Variants in GALR1 observed in about 807,000 individuals in gnomAD.
GALR1 encodes the protein galanin receptor 1.
A neutral mutation model predicts 17.9 loss-of-function variants in GALR1; 11 were observed. The observed-to-expected ratio is 0.62, with a 90% CI of 0.39 to 1.02. The LOEUF is 1.02. Among genes scored for constraint, GALR1 ranks in the 50% least tolerant of loss-of-function variants. The pLI, the probability that GALR1 is intolerant of heterozygous loss-of-function variation, is 0.01. For missense variants in GALR1, 441 were observed against 456.9 expected (o/e 0.97, Z 0.32); for synonymous variants, 206 against 205.7 (o/e 1.00, Z -0.01).
At chr18:77,252,971 T>TCACCACCAC (rs1912492036) in intron 1 of GALR1, among the ~76,000 whole-genome samples, 14 of 23,178 alleles carry the variant, frequency 6.0e-4, no homozygotes, top group Non-Finnish European at 1.2e-3. Flanking sequence ...ACCACCACCA[T>TCACCACCAC]CACCACCATC....
At chr18:77,265,623 C>T (rs1043089762) in intron 2 of GALR1, among the ~76,000 whole-genome samples, 20 of 152,204 alleles carry the variant, frequency 1.3e-4, no homozygotes, top group African/African-American at 3.9e-4. Context: ...AAGGACTCTG[C>T]CCCTGCAGTA....
At position 77,271,255 on chromosome 18, in the gene GALR1, C is replaced by CG. The variant is rs374528944; in HGVS notation, c.*2353_*2354insG. 7 of 141,354 alleles carry CG rather than the reference C, an allele frequency of 5.0e-5. No individual in the cohort carries two copies. Among genetic ancestry groups the CG allele is most frequent in the African/African-American group, 1.6e-4 (6 of 37,772 alleles). The allele number at this position is 141,354 out of a possible 1,614,324, so 8.8% of individuals were successfully genotyped here. A position where few individuals can be genotyped will look rare whatever the true frequency, so the allele number is the denominator to read the frequency against. On this transcript the variant is annotated 3_prime_UTR_variant, in exon 3 of 3. Transcript: ENST00000299727. Reference sequence around the variant, plus strand: ...ATAGCTTGCGCTTGAAACCCCCCCCCCCCCGCCACTTTGCTAAATGTAAAT... The same window carrying CG: ...ATAGCTTGCGCTTGAAACCCCCCCCCGCCCCGCCACTTTGCTAAATGTAAAT...
chr18:77,268,573 C>T lies in GALR1; in HGVS notation c.733-12C>T. On this transcript the variant is annotated splice_polypyrimidine_tract_variant and intron_variant, in intron 2 of 2. Transcript: ENST00000299727. ...TCCTCCTCCTCCTCCTCCTCCTCTT[C>T]TTCTTTTCTAGACTGCACAGACAGT... is the stretch of plus-strand genomic sequence containing the variant. 6.3e-7 allele frequency: 1 copy of T among 1,595,984 alleles called. No homozygotes were observed. The highest frequency in any genetic ancestry group is 1.3e-5 in the African/African-American group (1 of 74,564).
chr18:77,251,840 G>A (rs1425107246), intron 1 of GALR1, among the ~76,000 whole-genome samples: 3 of 152,258 alleles, frequency 2.0e-5, no homozygotes. Flanking sequence ...GCTCTGTGAA[G>A]CCGCTGCTCC....
In GALR1 at chr18:77,273,770, T is replaced by C. The variant is rs758064754; in HGVS notation, c.*4868T>C. 9 of 152,214 alleles carry C rather than the reference T, an allele frequency of 5.9e-5. No individual in the cohort carries two copies. The highest frequency in any genetic ancestry group is 1.2e-4 in the Non-Finnish European group (8 of 68,026). The allele number at this position is 152,214 out of a possible 1,614,324, so 9.4% of individuals were successfully genotyped here. On this transcript the variant is annotated 3_prime_UTR_variant, in exon 3 of 3. Transcript: ENST00000299727. ...GGCTCCATTTGCCATACTCAGACAA[T>C]TGCTTGAAGAGCTGAACTGTTAGCT...
chr18:77,268,499 T>C (rs1425306028), intron 2 of GALR1, 86 bp from the exon 3 acceptor site: 1 of 874,350 alleles, frequency 1.1e-6, no homozygotes, highest in Non-Finnish European at 1.8e-6. Flanking sequence ...ATTCCTTTTG[T>C]GTTGTAATCA....
chr18:77,264,457 G>C (rs929356748), intron 2 of GALR1, among the ~76,000 whole-genome samples: 1 of 151,956 alleles, frequency 6.6e-6, no homozygotes, highest in Non-Finnish European at 1.5e-5. Flanking sequence ...ATCCATTTTA[G>C]AGTATTTCTG....
rs904886819 is a variant in GALR1, at chr18:77,268,924, G to C, written c.*22G>C. On this transcript the variant is annotated 3_prime_UTR_variant, in exon 3 of 3. Coordinates refer to ENST00000299727, the MANE Select transcript of GALR1 (RefSeq NM_001480.4). ...GTGATAAAAGATAGAGTATCCTTAT[G>C]GTTGAGTTTCCATATAAGTGGACCA... 1.3e-6 allele frequency: 2 copies of C among 1,568,970 alleles called. No individual in the cohort carries two copies. The highest frequency in any genetic ancestry group is 3.4e-5 in the Admixed American group (2 of 58,456).
chr18:77,264,630 T>A (rs34495321), intron 2 of GALR1, among the ~76,000 whole-genome samples: 2 of 151,992 alleles, frequency 1.3e-5, no homozygotes, highest in Admixed American at 1.3e-4. Flanking sequence ...AATAAAGACA[T>A]ACCCAAGACT....
rs894249745 is a variant in GALR1 at position 77,274,734 on chromosome 18, G to A, written c.*5832G>A. ...CCTCCATTGGCCTTTGGATGTCTGC[G>A]TAATAATTTGTTGAGAATCATTAGA... is the stretch of plus-strand genomic sequence containing the variant. On this transcript the variant is annotated 3_prime_UTR_variant, in exon 3 of 3. Coordinates refer to ENST00000299727, the MANE Select transcript of GALR1 (RefSeq NM_001480.4). The A allele has an allele frequency of 5.3e-5, 8 of 152,138 alleles. No individual in the cohort carries two copies. Among genetic ancestry groups the A allele is most frequent in the Admixed American group, 4.6e-4 (7 of 15,280 alleles). The allele number at this position is 152,138 out of a possible 1,614,324, so 9.4% of individuals were successfully genotyped here. A position where few individuals can be genotyped will look rare whatever the true frequency, so the allele number is the denominator to read the frequency against.
At chr18:77,258,563 A>G (rs1307078681) in intron 2 of GALR1, among the ~76,000 whole-genome samples, 400 of 15,478 alleles carry the variant, frequency 0.026, 3 homozygotes, top group Non-Finnish European at 0.049. Context: ...TGGTGGTCAT[A>G]GTGGGGGTGG....
At position 77,251,232 on chromosome 18, in the gene GALR1, G is replaced by A. The variant is rs772013868; in HGVS notation, c.666+18G>A. 1 of 1,581,080 alleles carries A rather than the reference G, an allele frequency of 6.3e-7. No individual in the cohort carries two copies. Among genetic ancestry groups the A allele is most frequent in the Non-Finnish European group, 8.6e-7 (1 of 1,156,902 alleles). ...ATGCCAAGGTGCACGCCGGTCGCGG[G>A]GCCGAGACGCGCGAGGGAGGGCGGA... On this transcript the variant is annotated intron_variant, in intron 1 of 2. Transcript: ENST00000299727.
intron 2 of GALR1, among the ~76,000 whole-genome samples, chr18:77,259,865 C>T (rs1912790425): frequency 6.6e-6 from 1 of 151,756 alleles, no homozygotes; most frequent in Non-Finnish European, 1.5e-5. Flanking sequence ...AGGGGAGACT[C>T]GGGAAGGAAA....
intron 2 of GALR1, among the ~76,000 whole-genome samples, chr18:77,263,861 G>A (rs1912885514): frequency 6.6e-6 from 1 of 152,158 alleles, no homozygotes; most frequent in Non-Finnish European, 1.5e-5. Flanking sequence ...TTTTGGCCAG[G>A]CACAGTGGCT....
chr18:77,270,320 G>A lies in GALR1; in HGVS notation c.*1418G>A, dbSNP rs574143394. ...ACTTGAGCTCAGGAGTTTGAGACCAGTGTGGGCAACATGGCAAAACTCGGT... is the reference window on the plus strand; with the variant it reads ...ACTTGAGCTCAGGAGTTTGAGACCAATGTGGGCAACATGGCAAAACTCGGT... On this transcript the variant is annotated 3_prime_UTR_variant, in exon 3 of 3. Transcript: ENST00000299727. 1 of 152,318 alleles carries A rather than the reference G, an allele frequency of 6.6e-6. No individual in the cohort carries two copies. The highest frequency in any genetic ancestry group is 1.9e-4 in the East Asian group (1 of 5,176). 9.4% of individuals were successfully genotyped at this position (152,318 alleles called of 1,614,324 possible).
intron 2 of GALR1, among the ~76,000 whole-genome samples, chr18:77,266,160 G>A (rs1378280541): frequency 1.3e-5 from 2 of 152,048 alleles, no homozygotes; most frequent in Non-Finnish European, 2.9e-5. Context: ...CAAGTTCAAA[G>A]TTCCACAGAT....
Position 77,250,584 on chromosome 18 carries a change from C to T in GALR1, c.36C>T (p.Asn12=). 6.5e-7 allele frequency: 1 copy of T among 1,544,020 alleles called. No individual in the cohort carries two copies. The highest frequency in any genetic ancestry group is 8.7e-7 in the Non-Finnish European group (1 of 1,149,686). Residue 12 remains asparagine, a synonymous_variant, in exon 1 of 3, where the codon AAC becomes AAT. Coordinates refer to ENST00000299727, the MANE Select transcript of GALR1 (RefSeq NM_001480.4). ...CGGTCGGGAACCTCAGCGAGGGCAA[C>T]GCGAGCTGGCCGGAGCCCCCCGCCC... ...ELAVGNLSEG[N]ASWPEPPAPE...
At chr18:77,256,109 G>C (rs1912581610) in intron 1 of GALR1, 49 bp from the exon 2 acceptor site, 2 of 935,238 alleles carry the variant, frequency 2.1e-6, no homozygotes, top group Non-Finnish European at 3.5e-6. Flanking sequence ...CATAGGCAGT[G>C]GGTTATGAGA....
intron 1 of GALR1, 101 bp from the exon 2 acceptor site, chr18:77,256,057 A>G: frequency 1.4e-6 from 1 of 699,292 alleles, no homozygotes; most frequent in South Asian, 1.7e-5. Flanking sequence ...TCTTATAAAT[A>G]GTGATGTTAC....
Sources: allele counts gnomAD v4.1 joint callset (sites outside exome capture counted in the v4.1 genomes callset), GRCh38; gene constraint gnomAD v4.1.1; transcripts MANE v1.5; gene names NCBI Gene and HGNC (gene_info 2026-07-23, HGNC 2026-07-21).